The following VPS13D variants were observed in gnomAD, a reference collection of about 807,000 sequenced individuals.
VPS13D encodes the protein intermembrane lipid transfer protein VPS13D.
VPS13D carries 187 observed loss-of-function variants against 461.9 expected under a neutral mutation model. That is an observed-to-expected ratio of 0.40 (90% confidence interval 0.36 to 0.46). The LOEUF (loss-of-function observed/expected upper bound fraction) is 0.46. VPS13D is among the 20% of genes least tolerant of loss of function. The pLI is 0.60. For synonymous variants in VPS13D, 1,951 were observed against 1,986.3 expected, an observed-to-expected ratio of 0.98 and a Z score of 0.47; for missense variants, 4,711 against 5,364.9, an observed-to-expected ratio of 0.88 and a Z score of 3.81.
Position 12,358,560 on chromosome 1 carries a change from T to G in VPS13D, c.10100T>G (p.Val3367Gly). 1 of 1,614,098 alleles carries G rather than the reference T, an allele frequency of 6.2e-7. No individual in the cohort carries two copies. Among genetic ancestry groups the G allele is most frequent in the South Asian group, 1.1e-5 (1 of 91,080 alleles). ...DGGSGVRALK[V>G]IQQGNRPGLI... ...GGTAGTGGTGTCCGAGCTTTGAAAG[T>G]CATCCAGCAAGGAAACCGCCCAGGG... The change falls in exon 50 of 70, where the codon GTC becomes GGC. Residue 3367 changes from valine (V) to glycine (G), a missense_variant. Transcript: ENST00000620676.
intron 39 of VPS13D, chr1:12,337,454 C>T (rs972805881): frequency 6.6e-6 from 1 of 152,060 alleles, no homozygotes; most frequent in Non-Finnish European, 1.5e-5. Context: ...TTCAGACTGG[C>T]CTTAAAACAA....
At chr1:12,445,412 C>T (rs1050771439) in intron 65 of VPS13D, among the ~76,000 whole-genome samples, 4 of 152,200 alleles carry the variant, frequency 2.6e-5, no homozygotes, top group Non-Finnish European at 4.4e-5. Context: ...TGTTCTCTTC[C>T]ATAGTCCAGG....
At chr1:12,305,080 C>T (rs1379552021) in intron 26 of VPS13D, among the ~76,000 whole-genome samples, 1 of 151,874 alleles carries the variant, frequency 6.6e-6, no homozygotes, top group East Asian at 1.9e-4. Context: ...CAGACACTGT[C>T]CTTGCAAACC....
chr1:12,283,124 G>A lies in VPS13D; in HGVS notation c.5022G>A (p.Glu1674=). The change falls in exon 21 of 70, where the codon GAG becomes GAA. Residue 1674 remains glutamate, a synonymous_variant. Coordinates refer to ENST00000620676, the MANE Select transcript of VPS13D (RefSeq NM_015378.4). Reference sequence around the variant, plus strand: ...TTGCCCTGCATTCTCTGCTGATGGAGGACTTATTGGAGAAGAATCCAGATT... The same window carrying A: ...TTGCCCTGCATTCTCTGCTGATGGAAGACTTATTGGAGAAGAATCCAGATT... ...IQIALHSLLM[E]DLLEKNPDSK... The A allele has an allele frequency of 5.0e-6, 8 of 1,614,114 alleles. No individual in the cohort carries two copies. The highest frequency in any genetic ancestry group is 1.3e-5 in the African/African-American group (1 of 75,026).
At chr1:12,246,136 G>A (rs987058970) in intron 5 of VPS13D, among the ~76,000 whole-genome samples, 5 of 152,126 alleles carry the variant, frequency 3.3e-5, no homozygotes, top group Admixed American at 2.0e-4. Flanking sequence ...TGGAGTGAGT[G>A]GGTACTCAAG....
chr1:12,367,590 T>TTTATTTATTTA (rs1557736414), intron 52 of VPS13D: 27 of 121,036 alleles, frequency 2.2e-4, no homozygotes, highest in African/African-American at 9.6e-4. Context: ...TTATTTATTT[T>TTTATTTATTTA]TGGAAACAGA....
At chr1:12,411,765 G>T (rs1644733321) in intron 63 of VPS13D, among the ~76,000 whole-genome samples, 3 of 152,180 alleles carry the variant, frequency 2.0e-5, no homozygotes. Context: ...AGTTAAACGC[G>T]ATTAAATGGT....
chr1:12,315,849 C>T (rs1247402753), intron 30 of VPS13D, among the ~76,000 whole-genome samples: 1 of 151,782 alleles, frequency 6.6e-6, no homozygotes, highest in African/African-American at 2.4e-5. Flanking sequence ...CGTAGTCTCA[C>T]TCTGTCGCCT....
At chr1:12,249,867 A>G (rs170955) in intron 6 of VPS13D, among the ~76,000 whole-genome samples, 6,358 of 152,224 alleles carry the variant, frequency 0.042, 253 homozygotes, top group African/African-American at 0.11. Context: ...ATATCAACTC[A>G]GTGTCCTATA....
At chr1:12,355,791 A>G in intron 47 of VPS13D, 108 bp from the exon 48 acceptor site, 10 of 1,157,666 alleles carry the variant, frequency 8.6e-6, no homozygotes, top group South Asian at 1.9e-5. Context: ...TTTTGCAGTT[A>G]GATACTTAGT....
intron 23 of VPS13D, 65 bp from the exon 24 acceptor site, chr1:12,293,459 G>A: frequency 6.8e-7 from 1 of 1,473,046 alleles, no homozygotes; most frequent in Non-Finnish European, 9.1e-7. Context: ...ACCAACCTGA[G>A]TTTTCTTGAA....
In VPS13D at chr1:12,277,119, T is replaced by C. The variant is rs752802949; in HGVS notation, c.3531T>C (p.Leu1177=). The change falls in exon 19 of 70, where the codon CTT becomes CTC. Residue 1177 remains leucine, a synonymous_variant. Coordinates refer to ENST00000620676, the MANE Select transcript of VPS13D (RefSeq NM_015378.4). ...AAATCCATAGGCTGAACTTACTGCT[T>C]CTTCGGACAGTGGGCATGGCAAATA... ...AVEIHRLNLL[L]LRTVGMANRE... The C allele has an allele frequency of 6.2e-7, 1 of 1,614,204 alleles. No individual in the cohort carries two copies. Among genetic ancestry groups the C allele is most frequent in the Admixed American group, 1.7e-5 (1 of 60,026 alleles).
intron 58 of VPS13D, among the ~76,000 whole-genome samples, chr1:12,384,045 T>G (rs981187064): frequency 6.6e-6 from 1 of 152,130 alleles, no homozygotes; most frequent in Non-Finnish European, 1.5e-5. Context: ...ATGGCATGAT[T>G]AGAAAATTGT....
At chr1:12,430,832 A>C (rs1644982296) in intron 65 of VPS13D, among the ~76,000 whole-genome samples, 1 of 152,340 alleles carries the variant, frequency 6.6e-6, no homozygotes, top group South Asian at 2.1e-4. Context: ...ACGATCACTA[A>C]GAAACAAAGC....
intron 25 of VPS13D, among the ~76,000 whole-genome samples, chr1:12,300,207 CTTTTTTTT>C (rs35299447): frequency 8.1e-6 from 1 of 123,350 alleles, no homozygotes; most frequent in African/African-American, 3.0e-5. Flanking sequence ...ATTTGCTTTG[CTTTTTTTT>C]TTTTTTTTTT....
intron 67 of VPS13D, among the ~76,000 whole-genome samples, chr1:12,476,032 G>A (rs1038329319): frequency 1.9e-4 from 29 of 152,250 alleles, no homozygotes; most frequent in African/African-American, 6.7e-4. Context: ...CTTAGCCTTG[G>A]CCACAGTGCT....
chr1:12,244,120 T>A lies in VPS13D; in HGVS notation c.176-126T>A, dbSNP rs141563754. 5.3e-5 allele frequency: 48 copies of A among 900,436 alleles called. No individual in the cohort carries two copies. In the East Asian group the frequency reaches 1.3e-3, roughly 24 times the overall value. The allele number at this position is 900,436 out of a possible 1,614,324, so 55.8% of individuals were successfully genotyped here. A position where few individuals can be genotyped will look rare whatever the true frequency, so the allele number is the denominator to read the frequency against. ...ACATGTGCAAGAGCCTGCTGCCTGT[T>A]GTTTTAAATAAAAAAAAGTAGTAAC... On this transcript the variant is annotated intron_variant, in intron 3 of 69. Transcript: ENST00000620676.
At chr1:12,285,252 GTATTT>G (rs1161370785) in intron 21 of VPS13D, among the ~76,000 whole-genome samples, 6 of 150,562 alleles carry the variant, frequency 4.0e-5, no homozygotes, top group Non-Finnish European at 7.4e-5. Flanking sequence ...CTTTGCTGAA[GTATTT>G]TATTTTATGT....
intron 37 of VPS13D, among the ~76,000 whole-genome samples, chr1:12,331,458 A>C (rs1049361677): frequency 6.6e-5 from 10 of 152,046 alleles, no homozygotes; most frequent in African/African-American, 2.4e-4. Context: ...ATGTAATCCC[A>C]GCGCTTTGGG....
Sources: allele counts gnomAD v4.1 joint callset (sites outside exome capture counted in the v4.1 genomes callset), GRCh38; gene constraint gnomAD v4.1.1; transcripts MANE v1.5; gene names NCBI Gene and HGNC (gene_info 2026-07-23, HGNC 2026-07-21).